Variants in PCDH15 observed in about 807,000 individuals in gnomAD.
PCDH15 encodes the protein protocadherin related 15.
PCDH15 carries 129 observed loss-of-function variants against 178.5 expected under a neutral mutation model. The observed-to-expected ratio is 0.72, with a 90% CI of 0.63 to 0.84. PCDH15 has a LOEUF of 0.84. Ranked by LOEUF, PCDH15 falls within the 40% of genes least tolerant of loss-of-function variation. PCDH15 has a pLI of 0.00. For missense variants in PCDH15, 2,230 were observed against 2,099.9 expected, an observed-to-expected ratio of 1.06 and a Z score of -1.21; for synonymous variants, 800 against 732.0, an observed-to-expected ratio of 1.09 and a Z score of -1.50.
intron 2 of PCDH15, among the ~76,000 whole-genome samples, chr10:55,090,365 T>C (rs1245195424): frequency 1.5e-5 from 2 of 131,774 alleles, no homozygotes; most frequent in Admixed American, 7.4e-5. Context: ...ATTTTCGTTG[T>C]CATTTAACAA....
chr10:55,227,171 T>C (rs185396597), intron 1 of PCDH15, among the ~76,000 whole-genome samples: 12 of 152,112 alleles, frequency 7.9e-5, no homozygotes, highest in Non-Finnish European at 1.5e-4. Flanking sequence ...ACATTAAAAA[T>C]TCCAGAGAGA....
chr10:54,346,715 C>T (rs949532667), intron 5 of PCDH15, among the ~76,000 whole-genome samples: 10 of 152,136 alleles, frequency 6.6e-5, no homozygotes, highest in African/African-American at 9.7e-5. Context: ...AAGCAGAAGA[C>T]GCTGATTCCG....
chr10:53,832,644 G>A (rs957823235), intron 29 of PCDH15, among the ~76,000 whole-genome samples: 1 of 150,750 alleles, frequency 6.6e-6, no homozygotes, highest in Non-Finnish European at 1.5e-5. Context: ...AAGTGCTTAT[G>A]TTGAAAAATA....
At chr10:54,510,471 T>C (rs1054854926) in intron 3 of PCDH15, among the ~76,000 whole-genome samples, 3 of 152,072 alleles carry the variant, frequency 2.0e-5, no homozygotes, top group African/African-American at 7.2e-5. Context: ...AACCAAAGAG[T>C]AACTTCAGCA....
chr10:55,103,029 G>A (rs1842606672), intron 2 of PCDH15, among the ~76,000 whole-genome samples: 1 of 152,000 alleles, frequency 6.6e-6, no homozygotes, highest in Non-Finnish European at 1.5e-5. Context: ...AGAAGAGGTG[G>A]AGGATGTGGA....
chr10:54,086,904 C>T (rs1476815470), intron 16 of PCDH15, among the ~76,000 whole-genome samples: 1 of 152,174 alleles, frequency 6.6e-6, no homozygotes, highest in African/African-American at 2.4e-5. Context: ...TTAAGAACCT[C>T]TGTGACCCAG....
At chr10:54,083,102 C>A (rs964500828) in intron 16 of PCDH15, among the ~76,000 whole-genome samples, 6 of 152,096 alleles carry the variant, frequency 3.9e-5, no homozygotes, top group African/African-American at 1.4e-4. Flanking sequence ...AAAGAAACAA[C>A]CACCATTACT....
chr10:53,999,414 T>A (rs1269041180), intron 20 of PCDH15, among the ~76,000 whole-genome samples: 1 of 152,222 alleles, frequency 6.6e-6, no homozygotes, highest in Non-Finnish European at 1.5e-5. Context: ...TCAATTTCTG[T>A]ATTGTCTCCT....
chr10:55,225,787 G>A (rs1564909351), intron 1 of PCDH15, among the ~76,000 whole-genome samples: 1 of 151,894 alleles, frequency 6.6e-6, no homozygotes, highest in Non-Finnish European at 1.5e-5. Flanking sequence ...CCTAGTGAAC[G>A]TCTCCCACTC....
intron 25 of PCDH15, among the ~76,000 whole-genome samples, chr10:53,905,468 T>A (rs2133697521): frequency 6.6e-6 from 1 of 152,232 alleles, no homozygotes; most frequent in East Asian, 1.9e-4. Flanking sequence ...CTAATGGCTG[T>A]GACTACAGGC....
rs573227151 is a variant in PCDH15 at position 55,281,372 on chromosome 10, G to GT, written c.-156+38226dup. Among the ~76,000 whole-genome samples, 540 of 149,746 alleles carry GT rather than the reference G, an allele frequency of 3.6e-3. 2 individuals carry two copies. Among genetic ancestry groups the GT allele is most frequent in the African/African-American group, 0.01 (418 of 40,736 alleles). ...TAAACTGTATACTATTAAATTTCAT[G>GT]TTTTTTTTTAATCTCACCCCTCATT... On this transcript the variant is annotated intron_variant, in intron 1 of 5. Transcript: ENST00000458638.
At chr10:55,188,151 CTG>C (rs1248948467) in intron 1 of PCDH15, among the ~76,000 whole-genome samples, 2 of 151,936 alleles carry the variant, frequency 1.3e-5, no homozygotes, top group Non-Finnish European at 2.9e-5. Flanking sequence ...CAACTGCTCA[CTG>C]TGTGGTGTTT....
intron 28 of PCDH15, among the ~76,000 whole-genome samples, chr10:53,855,899 G>GAT (rs1324732057): frequency 0.012 from 972 of 77,842 alleles, 51 homozygotes; most frequent in African/African-American, 0.068. Flanking sequence ...AAAAAAAGGT[G>GAT]ATATGTATAT....
intron 6 of PCDH15, among the ~76,000 whole-genome samples, chr10:54,330,584 A>C (rs966624177): frequency 1.3e-5 from 2 of 151,608 alleles, no homozygotes; most frequent in Admixed American, 1.3e-4. Flanking sequence ...GTTATATATC[A>C]TTTTTTTCTT....
chr10:54,665,117 T>C (rs2094549899), intron 1 of PCDH15, among the ~76,000 whole-genome samples: 1 of 151,754 alleles, frequency 6.6e-6, no homozygotes. Context: ...GGTTCCAAAC[T>C]CAAATGCCTA....
intron 26 of PCDH15, among the ~76,000 whole-genome samples, chr10:53,889,136 T>TAAAAAAGTCATGTTTTTGTG (rs1306602794): frequency 6.6e-6 from 1 of 151,544 alleles, no homozygotes; most frequent in Non-Finnish European, 1.5e-5. Flanking sequence ...GAAATAAACT[T>TAAAAAAGTCATGTTTTTGTG]AAAAAAGTCA....
At chr10:53,964,619 T>A (rs980090063) in intron 21 of PCDH15, among the ~76,000 whole-genome samples, 1 of 151,874 alleles carries the variant, frequency 6.6e-6, no homozygotes, top group Admixed American at 6.6e-5. Flanking sequence ...ATTTGAAGGT[T>A]TGGGAAATAG....
At chr10:54,133,325 C>G (rs2042606236) in intron 14 of PCDH15, among the ~76,000 whole-genome samples, 1 of 152,134 alleles carries the variant, frequency 6.6e-6, no homozygotes, top group Non-Finnish European at 1.5e-5. Context: ...TTTAATGCTT[C>G]TCTAATAGCA....
chr10:54,921,804 T>C (rs1309158573), intron 2 of PCDH15, among the ~76,000 whole-genome samples: 3 of 152,196 alleles, frequency 2.0e-5, no homozygotes, highest in African/African-American at 4.8e-5. Flanking sequence ...AAAATAGTTT[T>C]AGTTGATGCA....
Sources: allele counts gnomAD v4.1 joint callset (sites outside exome capture counted in the v4.1 genomes callset), GRCh38; gene constraint gnomAD v4.1.1; transcripts MANE v1.5; gene names NCBI Gene and HGNC (gene_info 2026-07-23, HGNC 2026-07-21).